The following TENM2 variants were observed in gnomAD, a reference collection of about 807,000 sequenced individuals.
TENM2 encodes teneurin transmembrane protein 2.
TENM2 carries 52 observed loss-of-function variants against 245.2 expected under a neutral mutation model. That is an observed-to-expected ratio of 0.21 (90% confidence interval 0.17 to 0.27). The LOEUF is 0.27. TENM2 is among the 10% of genes least tolerant of loss of function. The pLI, the probability that TENM2 is intolerant of heterozygous loss-of-function variation, is 1.00. For missense variants in TENM2, 3,046 were observed against 3,666.8 expected, an observed-to-expected ratio of 0.83 and a Z score of 4.37; for synonymous variants, 1,363 against 1,438.9, an observed-to-expected ratio of 0.95 and a Z score of 1.19.
chr5:167,971,675 T>C (rs1781799708), intron 4 of TENM2, among the ~76,000 whole-genome samples: 1 of 151,492 alleles, frequency 6.6e-6, no homozygotes, highest in African/African-American at 2.4e-5. Flanking sequence ...CACTCCAGCC[T>C]GGGTGACAGA....
intron 2 of TENM2, among the ~76,000 whole-genome samples, chr5:167,414,606 C>G (rs989094213): frequency 6.6e-6 from 1 of 151,996 alleles, no homozygotes; most frequent in Admixed American, 6.6e-5. Context: ...CTTCCTCTAT[C>G]TGATTGTTGT....
chr5:167,347,903 C>A (rs1217966654), intron 1 of TENM2, among the ~76,000 whole-genome samples: 1 of 152,164 alleles, frequency 6.6e-6, no homozygotes, highest in African/African-American at 2.4e-5. Context: ...TGTCACAAGA[C>A]TACGGCAGAT....
chr5:167,445,369 A>AGAGTGT (rs35699708), intron 2 of TENM2, among the ~76,000 whole-genome samples: 2 of 98,576 alleles, frequency 2.0e-5, no homozygotes, highest in Admixed American at 1.2e-4. Flanking sequence ...AGAGAGAGAG[A>AGAGTGT]GTGTCAGGTG....
chr5:167,633,338 A>C (rs915355348), intron 2 of TENM2, among the ~76,000 whole-genome samples: 1 of 152,106 alleles, frequency 6.6e-6, no homozygotes, highest in Non-Finnish European at 1.5e-5. Context: ...TGCAAGTTCA[A>C]AGTTTTGAGA....
intron 2 of TENM2, among the ~76,000 whole-genome samples, chr5:167,780,974 T>A (rs1015680423): frequency 2.6e-5 from 4 of 152,214 alleles, no homozygotes; most frequent in Non-Finnish European, 5.9e-5. Flanking sequence ...TATTTGTTCT[T>A]GCTGTTACCT....
intron 12 of TENM2, among the ~76,000 whole-genome samples, chr5:168,146,633 G>A (rs1756107485): frequency 6.6e-6 from 1 of 152,158 alleles, no homozygotes; most frequent in African/African-American, 2.4e-5. Context: ...GAGTACTAAT[G>A]ACAGAAACGG....
intron 20 of TENM2, among the ~76,000 whole-genome samples, 157 bp downstream of exon 22, chr5:168,211,911 A>G (rs1157364220): frequency 6.6e-6 from 1 of 152,198 alleles, no homozygotes; most frequent in Non-Finnish European, 1.5e-5. Flanking sequence ...TGGATATGAT[A>G]AGCTTTAGCA....
At chr5:167,082,829 G>GT in the TENM2 span, among the ~76,000 whole-genome samples, 1 of 151,846 alleles carries the variant, frequency 6.6e-6, no homozygotes, top group African/African-American at 2.4e-5. Context: ...AAATAATACT[G>GT]TTTTTAAAAT....
Position 167,628,337 on chromosome 5 carries a change from A to G in TENM2, c.503-247649A>G, listed in dbSNP as rs574521883. On this transcript the variant is annotated intron_variant, in intron 2 of 28. Coordinates refer to ENST00000518659, the Ensembl canonical transcript of TENM2. ...TATTCAAAAATCTCCAGTTATTTCA[A>G]TTCCTGATAGGTGTGACCCAGAGGC... Among the ~76,000 whole-genome samples the G allele has an allele frequency of 2.6e-3, 389 of 152,250 alleles. 2 individuals are homozygous for G. Among genetic ancestry groups the G allele is most frequent in the African/African-American group, 5.5e-3 (228 of 41,542 alleles).
chr5:167,279,860 C>A (rs1770949811), upstream of TENM2, among the ~76,000 whole-genome samples: 1 of 152,104 alleles, frequency 6.6e-6, no homozygotes, highest in Non-Finnish European at 1.5e-5. Context: ...CTGCTTATAT[C>A]AGATAATGCT....
At chr5:167,253,093 A>G in the TENM2 span, among the ~76,000 whole-genome samples, 1 of 150,842 alleles carries the variant, frequency 6.6e-6, no homozygotes, top group African/African-American at 2.4e-5. Flanking sequence ...GTCTTTTTTT[A>G]TTATTATTAT....
chr5:167,842,998 A>T (rs1320760088), intron 2 of TENM2, among the ~76,000 whole-genome samples: 1 of 152,114 alleles, frequency 6.6e-6, no homozygotes, highest in Non-Finnish European at 1.5e-5. Context: ...CACTTACCTC[A>T]ATTCGCAACA....
intron 9 of TENM2, among the ~76,000 whole-genome samples, chr5:168,114,613 C>G (rs114470829): frequency 6.6e-6 from 1 of 152,162 alleles, no homozygotes; most frequent in South Asian, 2.1e-4. Context: ...CTGGAGGGAG[C>G]TCATCTGGTG....
chr5:167,873,794 A>G (rs1773182613), intron 2 of TENM2, among the ~76,000 whole-genome samples: 1 of 152,190 alleles, frequency 6.6e-6, no homozygotes, highest in South Asian at 2.1e-4. Context: ...AACACCCAGC[A>G]AGAAAGTCAT....
intron 15 of TENM2, among the ~76,000 whole-genome samples, chr5:168,197,914 G>A (rs966203338): frequency 6.6e-6 from 1 of 152,172 alleles, no homozygotes; most frequent in Admixed American, 6.5e-5. Context: ...CAGAGCAGAG[G>A]CTGATTAGAA....
At chr5:167,881,549 A>G (rs1773878949) in intron 3 of TENM2, among the ~76,000 whole-genome samples, 2 of 152,220 alleles carry the variant, frequency 1.3e-5, no homozygotes, top group Admixed American at 1.3e-4. Flanking sequence ...CAGGATATCA[A>G]GTGCAAACAT....
chr5:167,276,386 G>A, the TENM2 span, among the ~76,000 whole-genome samples: 1 of 150,402 alleles, frequency 6.6e-6, no homozygotes, highest in Non-Finnish European at 1.5e-5. Context: ...GTGTGTGTGT[G>A]TGTGTGTGTG....
At chr5:168,084,240 G>T (rs1792253107) in intron 7 of TENM2, among the ~76,000 whole-genome samples, 1 of 152,166 alleles carries the variant, frequency 6.6e-6, no homozygotes, top group Non-Finnish European at 1.5e-5. Flanking sequence ...TGTCATTTTG[G>T]TAGAAGGATT....
intron 1 of TENM2, among the ~76,000 whole-genome samples, chr5:167,367,770 T>C (rs1188065327): frequency 6.6e-6 from 1 of 152,110 alleles, no homozygotes; most frequent in African/African-American, 2.4e-5. Context: ...GAGATAACAA[T>C]TTGGCATTTC....
Sources: gnomAD v4.1 joint callset for allele counts (sites outside exome capture counted in the v4.1 genomes callset) on GRCh38, gnomAD v4.1.1 for gene constraint, MANE v1.5 for transcripts, NCBI Gene and HGNC (gene_info 2026-07-23, HGNC 2026-07-21) for gene names.